The following FAM186B variants were observed in gnomAD, a reference collection of about 807,000 sequenced individuals.
The protein encoded by FAM186B is family with sequence similarity 186 member B.
FAM186B carries 68 observed loss-of-function variants against 83.4 expected under a neutral mutation model. The observed-to-expected ratio is 0.81, with a 90% confidence interval of 0.67 to 1.00. The LOEUF (loss-of-function observed/expected upper bound fraction) is 1.00. Ranked by LOEUF, FAM186B falls within the 50% of genes least tolerant of loss-of-function variation. FAM186B has a pLI of 0.00. For synonymous variants in FAM186B, 389 were observed against 422.0 expected (o/e 0.92, Z 0.96); for missense variants, 983 against 1,099.2 (o/e 0.89, Z 1.49).
intron 6 of FAM186B, 116 bp downstream of exon 6, chr12:49,588,338 G>A: frequency 7.8e-7 from 1 of 1,283,562 alleles, no homozygotes; most frequent in South Asian, 1.4e-5. Context: ...CAACTCGTAG[G>A]GTGATATTGG....
chr12:49,620,414 A>C, the FAM186B span, among the ~76,000 whole-genome samples: 3 of 152,134 alleles, frequency 2.0e-5, no homozygotes, highest in Admixed American at 2.0e-4. Context: ...TCACACCTGT[A>C]ATCTCAGCAC....
chr12:49,585,722 G>A (rs532979026), downstream of FAM186B, among the ~76,000 whole-genome samples: 28 of 152,330 alleles, frequency 1.8e-4, no homozygotes, highest in African/African-American at 6.7e-4. Context: ...ATGGCCAGGG[G>A]AGCCGGTGAG....
rs528431556 is a variant in FAM186B, at chr12:49,596,205, C to CT, written c.2364+2549dup. Among the ~76,000 whole-genome samples, 12 of 150,178 alleles carry CT rather than the reference C, an allele frequency of 8.0e-5. No individual in the cohort carries two copies. In the East Asian group the frequency reaches 1.4e-3, roughly 18 times the overall value. ...ACCTACAAAGTGTGTCTGTACATTT[C>CT]TTTTTTTTAATAAGCCTTGTTTGCA... On this transcript the variant is annotated intron_variant, in intron 5 of 6. Transcript: ENST00000257894.
At chr12:49,584,313 TAG>T (rs1187084663), downstream of FAM186B, 1 of 573,010 alleles carries the variant, frequency 1.7e-6, no homozygotes, top group African/African-American at 1.9e-5. Flanking sequence ...TATTAAAATG[TAG>T]AGTTTGGGGA....
chr12:49,617,656 A>G, the FAM186B span, among the ~76,000 whole-genome samples: 1 of 152,208 alleles, frequency 6.6e-6, no homozygotes, highest in Non-Finnish European at 1.5e-5. Context: ...GAACCCAGAA[A>G]TTTGATATTC....
At chr12:49,587,406 C>T (rs764244174), downstream of FAM186B, 24 of 652,766 alleles carry the variant, frequency 3.7e-5, no homozygotes, top group Admixed American at 1.4e-4. Flanking sequence ...TCACCAGAAC[C>T]GAAGTGCTGT....
the FAM186B span, among the ~76,000 whole-genome samples, chr12:49,616,373 C>T: frequency 6.6e-6 from 1 of 152,174 alleles, no homozygotes; most frequent in South Asian, 2.1e-4. Context: ...GCCCAGCAAT[C>T]CCACTCCTAA....
At chr12:49,615,793 AG>A in the FAM186B span, among the ~76,000 whole-genome samples, 1 of 152,146 alleles carries the variant, frequency 6.6e-6, no homozygotes, top group African/African-American at 2.4e-5. Context: ...TGTCTCAAAA[AG>A]AAAAAAAAAA....
intron 5 of FAM186B, among the ~76,000 whole-genome samples, chr12:49,593,725 T>C (rs1939643787): frequency 6.7e-6 from 1 of 150,362 alleles, no homozygotes; most frequent in African/African-American, 2.5e-5. Flanking sequence ...GTAATCCCAA[T>C]ACTTTGGGAG....
the FAM186B span, among the ~76,000 whole-genome samples, chr12:49,617,255 A>G: frequency 6.6e-6 from 1 of 152,212 alleles, no homozygotes; most frequent in East Asian, 1.9e-4. Context: ...AAACAAAAGC[A>G]ATATTTTGGC....
chr12:49,601,654 A>G (rs1399513432), intron 3 of FAM186B, among the ~76,000 whole-genome samples: 1 of 148,666 alleles, frequency 6.7e-6, no homozygotes, highest in East Asian at 2.0e-4. Context: ...GTCTTTTTCC[A>G]TTTGGGGGAT....
At chr12:49,587,866 G>A (rs1237225182) in intron 6 of FAM186B, 114 bp from the exon 7 acceptor site, 6 of 1,188,514 alleles carry the variant, frequency 5.0e-6, no homozygotes, top group Non-Finnish European at 7.0e-6. Flanking sequence ...TTCTCAAATC[G>A]AGTGTGTCAC....
intron 5 of FAM186B, among the ~76,000 whole-genome samples, chr12:49,593,839 A>G (rs1939647007): frequency 6.6e-6 from 1 of 152,176 alleles, no homozygotes; most frequent in Non-Finnish European, 1.5e-5. Flanking sequence ...CAAATTTTCA[A>G]GAGTACATAA....
chr12:49,601,015 C>A lies in FAM186B; in HGVS notation c.625G>T (p.Ala209Ser). ...LQDQHTMNTK[A>S]SEVTSMLQEL... ...TGCAGCATGGACGTCACCTCCGAGG[C>A]CTTCGTGTTCATGGTATGCTGGTCC... The change falls in exon 4 of 7, where the codon GCC becomes TCC. Residue 209 changes from alanine (A) to serine (S), a missense_variant. By Grantham distance (99) the Ala-to-Ser change is moderately conservative. Transcript: ENST00000257894. 1 of 1,614,186 alleles carries A rather than the reference C, an allele frequency of 6.2e-7. No homozygotes were observed. Among genetic ancestry groups the A allele is most frequent in the Non-Finnish European group, 8.5e-7 (1 of 1,180,024 alleles).
chr12:49,592,701 G>A (rs1939609319), intron 5 of FAM186B, among the ~76,000 whole-genome samples: 1 of 152,096 alleles, frequency 6.6e-6, no homozygotes, highest in Non-Finnish European at 1.5e-5. Flanking sequence ...CATGAGAATC[G>A]CTTGAATCCA....
upstream of FAM186B, among the ~76,000 whole-genome samples, chr12:49,610,203 C>A (rs1011600416): frequency 1.3e-5 from 2 of 151,228 alleles, no homozygotes; most frequent in Admixed American, 6.6e-5. Context: ...TCTGTCCCCC[C>A]ACACACAAAT....
At chr12:49,587,423 G>T, downstream of FAM186B, 4 of 759,966 alleles carry the variant, frequency 5.3e-6, no homozygotes, top group Non-Finnish European at 8.5e-6. Flanking sequence ...CTGTTGGCAT[G>T]GGGACCCCGC....
chr12:49,605,239 C>T (rs1592557705), intron 1 of FAM186B, 143 bp downstream of exon 1: 1 of 1,498,056 alleles, frequency 6.7e-7, no homozygotes, highest in African/African-American at 1.4e-5. Context: ...ATAATTTATA[C>T]TAATCTGTCT....
At chr12:49,608,308 T>C (rs1940054611), upstream of FAM186B, among the ~76,000 whole-genome samples, 1 of 150,856 alleles carries the variant, frequency 6.6e-6, no homozygotes, top group African/African-American at 2.4e-5. Context: ...CTGGCCAACA[T>C]GGTGAAACCT....
Sources: gnomAD v4.1 joint callset for allele counts (sites outside exome capture counted in the v4.1 genomes callset) on GRCh38, gnomAD v4.1.1 for gene constraint, MANE v1.5 for transcripts, NCBI Gene and HGNC (gene_info 2026-07-23, HGNC 2026-07-21) for gene names.